CNTN5: variants seen among roughly 807,000 people sequenced by gnomAD.
CNTN5 encodes the protein contactin-5.
A neutral mutation model predicts 129.1 loss-of-function variants in CNTN5; 77 were observed. The ratio of observed to expected loss-of-function variants is 0.60; its 90% CI spans 0.50 to 0.72. The LOEUF is 0.72. CNTN5 is among the 30% of genes least tolerant of loss of function. CNTN5 has a pLI of 0.00. For missense variants in CNTN5, 1,478 were observed against 1,328.8 expected, an observed-to-expected ratio of 1.11 and a Z score of -1.75; for synonymous variants, 509 against 465.6, an observed-to-expected ratio of 1.09 and a Z score of -1.20.
chr11:99,733,121 C>T (rs188692536), intron 3 of CNTN5, among the ~76,000 whole-genome samples: 25 of 151,820 alleles, frequency 1.6e-4, no homozygotes, highest in African/African-American at 6.0e-4. Context: ...GTCAGGAGTT[C>T]GAGACAAGCC....
intron 3 of CNTN5, among the ~76,000 whole-genome samples, chr11:99,715,613 C>G (rs1375923157): frequency 6.6e-6 from 1 of 151,964 alleles, no homozygotes; most frequent in East Asian, 1.9e-4. Flanking sequence ...GATGATGTTG[C>G]AAGGAGTAAT....
intron 3 of CNTN5, among the ~76,000 whole-genome samples, chr11:99,628,953 T>C (rs1451340829): frequency 6.6e-6 from 1 of 152,050 alleles, no homozygotes; most frequent in Non-Finnish European, 1.5e-5. Flanking sequence ...GAGAGCATTA[T>C]TGGAAAAAAT....
chr11:99,753,896 T>A (rs761718811), intron 3 of CNTN5, among the ~76,000 whole-genome samples: 1 of 150,398 alleles, frequency 6.6e-6, no homozygotes, highest in Non-Finnish European at 1.5e-5. Flanking sequence ...CTATGTTGGC[T>A]AGGCTGGTCT....
chr11:100,088,004 T>C (rs1944620758), intron 13 of CNTN5, among the ~76,000 whole-genome samples: 1 of 151,580 alleles, frequency 6.6e-6, no homozygotes, highest in African/African-American at 2.4e-5. Flanking sequence ...TGCTCCTGAA[T>C]GACTTTTGAG....
At chr11:99,886,458 A>T (rs1344389276) in intron 6 of CNTN5, among the ~76,000 whole-genome samples, 1 of 152,178 alleles carries the variant, frequency 6.6e-6, no homozygotes, top group African/African-American at 2.4e-5. Flanking sequence ...AAATAGAAAG[A>T]TTCAAAGTAA....
chr11:99,725,264 T>G (rs1943298536), intron 3 of CNTN5, among the ~76,000 whole-genome samples: 1 of 152,096 alleles, frequency 6.6e-6, no homozygotes, highest in Non-Finnish European at 1.5e-5. Context: ...AAAGCAACAA[T>G]GAGATAAAGT....
At chr11:99,200,908 A>G (rs763215511) in intron 1 of CNTN5, among the ~76,000 whole-genome samples, 4 of 152,022 alleles carry the variant, frequency 2.6e-5, no homozygotes, top group Admixed American at 1.3e-4. Flanking sequence ...CTTCTTTGGG[A>G]ACAGTTCCCA....
chr11:99,520,258 A>T (rs1478003660), intron 2 of CNTN5, among the ~76,000 whole-genome samples: 1 of 152,156 alleles, frequency 6.6e-6, no homozygotes, highest in Non-Finnish European at 1.5e-5. Context: ...CTTAGAAAAC[A>T]TCTAACCTGG....
intron 2 of CNTN5, among the ~76,000 whole-genome samples, chr11:99,368,116 A>C (rs1398167908): frequency 1.3e-5 from 2 of 152,178 alleles, no homozygotes; most frequent in African/African-American, 4.8e-5. Context: ...AACTGGAATC[A>C]TAATAATATT....
At chr11:99,521,123 C>G (rs1015735286) in intron 2 of CNTN5, among the ~76,000 whole-genome samples, 4 of 152,092 alleles carry the variant, frequency 2.6e-5, no homozygotes, top group Non-Finnish European at 1.5e-5. Flanking sequence ...GATGCTGAAT[C>G]CTTTCTTTTC....
intron 2 of CNTN5, among the ~76,000 whole-genome samples, chr11:99,507,304 G>A (rs529744709): frequency 3.4e-5 from 5 of 148,312 alleles, no homozygotes; most frequent in East Asian, 4.0e-4. Flanking sequence ...TTGAACCCGG[G>A]AGGCAGAAGT....
In CNTN5 at chr11:99,250,784, A is replaced by G. The variant is rs943081937; in HGVS notation, c.-209-74562A>G. The stretch of plus-strand genomic sequence containing the variant: ...TATCCCAGATACTAAATAGTGAACG[A>G]TATCATTTACAAGTCACTTATTCTC... On this transcript the variant is annotated intron_variant, in intron 1 of 24. Coordinates refer to ENST00000524871, the MANE Select transcript of CNTN5 (RefSeq NM_014361.4). Among the ~76,000 whole-genome samples, 3 of 151,996 alleles carry G rather than the reference A, an allele frequency of 2.0e-5. No homozygotes were observed. The East Asian group carries it at 5.8e-4, about 29-fold the overall frequency.
At chr11:100,022,922 GT>G (rs973378141) in intron 9 of CNTN5, among the ~76,000 whole-genome samples, 36 of 151,640 alleles carry the variant, frequency 2.4e-4, no homozygotes, top group South Asian at 8.3e-4. Context: ...ATATAATGTG[GT>G]TTTTTTTCTC....
intron 13 of CNTN5, among the ~76,000 whole-genome samples, chr11:100,084,854 G>A (rs1232983107): frequency 6.6e-6 from 1 of 151,952 alleles, no homozygotes; most frequent in East Asian, 1.9e-4. Context: ...TTTCCTTAAT[G>A]GAGAGAGAAA....
intron 8 of CNTN5, among the ~76,000 whole-genome samples, chr11:99,982,943 G>T (rs1239214191): frequency 6.6e-6 from 1 of 152,148 alleles, no homozygotes; most frequent in African/African-American, 2.4e-5. Context: ...ATAGAGAAAT[G>T]AAGTCACATA....
chr11:99,408,503 A>AAAGAAAGAAAGAAAGT (rs1390703661), intron 2 of CNTN5, among the ~76,000 whole-genome samples: 15 of 144,838 alleles, frequency 1.0e-4, no homozygotes, highest in East Asian at 4.5e-4. Flanking sequence ...AGAAAGAAAG[A>AAAGAAAGAAAGAAAGT]AAGTTAGTTC....
chr11:99,558,246 C>T (rs1442113775), intron 3 of CNTN5: 1 of 399,072 alleles, frequency 2.5e-6, no homozygotes, highest in South Asian at 1.8e-5. Flanking sequence ...TCAGTTGTTT[C>T]TCTTTTATCT....
At chr11:99,493,457 C>A (rs1363048267) in intron 2 of CNTN5, among the ~76,000 whole-genome samples, 1 of 152,116 alleles carries the variant, frequency 6.6e-6, no homozygotes, top group Non-Finnish European at 1.5e-5. Flanking sequence ...AATTCTATAC[C>A]TTTTGCCATA....
At chr11:99,872,253 T>C (rs1948522017) in intron 6 of CNTN5, among the ~76,000 whole-genome samples, 1 of 152,110 alleles carries the variant, frequency 6.6e-6, no homozygotes, top group South Asian at 2.1e-4. Flanking sequence ...AAATTTGAAA[T>C]TGGCTTTTGT....
Sources: allele counts gnomAD v4.1 joint callset (sites outside exome capture counted in the v4.1 genomes callset), GRCh38; gene constraint gnomAD v4.1.1; transcripts MANE v1.5; gene names NCBI Gene and HGNC (gene_info 2026-07-23, HGNC 2026-07-21).